Variants in CA10 observed in about 807,000 individuals in gnomAD.
CA10 encodes the protein carbonic anhydrase-related protein 10.
In CA10, 14 loss-of-function variants were observed where a neutral mutation model predicts 44.2. The observed-to-expected ratio is 0.32, with a 90% CI of 0.21 to 0.50. The LOEUF (loss-of-function observed/expected upper bound fraction) is 0.50, where lower values mean the gene tolerates loss of function less well. Ranked by LOEUF, CA10 falls within the 20% of genes least tolerant of loss-of-function variation. The pLI, the probability that CA10 is intolerant of heterozygous loss-of-function variation, is 0.99. For synonymous variants in CA10, 159 were observed against 141.6 expected, an observed-to-expected ratio of 1.12 and a Z score of -0.87; for missense variants, 350 against 409.7, an observed-to-expected ratio of 0.85 and a Z score of 1.26.
intron 3 of CA10, among the ~76,000 whole-genome samples, chr17:51,863,603 G>C (rs1979412530): frequency 6.6e-6 from 1 of 152,128 alleles, no homozygotes; most frequent in Admixed American, 6.6e-5. Context: ...CACAAGTTTG[G>C]AGGTCTCTTG....
At chr17:51,708,816 G>A (rs933003290) in intron 4 of CA10, among the ~76,000 whole-genome samples, 11 of 152,200 alleles carry the variant, frequency 7.2e-5, no homozygotes, top group African/African-American at 1.7e-4. Flanking sequence ...GCCCTTGAAC[G>A]GCAGACTCCA....
intron 3 of CA10, among the ~76,000 whole-genome samples, chr17:51,892,312 A>G (rs1269005105): frequency 2.6e-5 from 4 of 152,178 alleles, no homozygotes; most frequent in Non-Finnish European, 4.4e-5. Context: ...TCTTATATAG[A>G]GCCATCTGCA....
At chr17:51,864,250 C>A (rs993874686) in intron 3 of CA10, among the ~76,000 whole-genome samples, 1 of 151,860 alleles carries the variant, frequency 6.6e-6, no homozygotes, top group Non-Finnish European at 1.5e-5. Context: ...AAAAGGAAAG[C>A]CAATTTTTTT....
At position 51,684,489 on chromosome 17, in the gene CA10, C is replaced by G. The variant is rs574854023; in HGVS notation, c.466-30753G>C. ...TCTAGCATAGCAGGGCACCTAGCAT[C>G]TGATTAAGTACTAAGTGCCAGCCTC... On this transcript the variant is annotated intron_variant, in intron 4 of 8. Coordinates refer to ENST00000451037, the MANE Select transcript of CA10 (RefSeq NM_020178.5). Among the ~76,000 whole-genome samples, 12 of 152,284 alleles carry G rather than the reference C, an allele frequency of 7.9e-5. No homozygotes were observed. The South Asian group carries it at 2.5e-3, about 32-fold the overall frequency.
chr17:51,803,408 A>C (rs1229790899), intron 3 of CA10, among the ~76,000 whole-genome samples: 1 of 152,088 alleles, frequency 6.6e-6, no homozygotes, highest in Non-Finnish European at 1.5e-5. Context: ...CCTCAGCTGG[A>C]GACTACACTT....
At chr17:52,009,455 C>A (rs1162274155) in intron 2 of CA10, among the ~76,000 whole-genome samples, 1 of 151,948 alleles carries the variant, frequency 6.6e-6, no homozygotes, top group Non-Finnish European at 1.5e-5. Context: ...AAGAAGATTG[C>A]TGAACTATGG....
intron 1 of CA10, among the ~76,000 whole-genome samples, chr17:52,113,834 G>A (rs376856905): frequency 2.2e-4 from 33 of 152,330 alleles, no homozygotes; most frequent in East Asian, 2.1e-3. Context: ...GGCTAACAAT[G>A]TGTGTTAATC....
chr17:52,008,910 T>C (rs1001825222), intron 2 of CA10, among the ~76,000 whole-genome samples: 6 of 152,106 alleles, frequency 3.9e-5, no homozygotes, highest in South Asian at 2.1e-4. Context: ...GTTCCTCACC[T>C]AAATACTAGA....
intron 1 of CA10, among the ~76,000 whole-genome samples, chr17:52,123,845 T>C (rs1278077650): frequency 6.6e-6 from 1 of 152,138 alleles, no homozygotes; most frequent in African/African-American, 2.4e-5. Context: ...GAATAAACTT[T>C]AAAAGGCATC....
intron 4 of CA10, among the ~76,000 whole-genome samples, chr17:51,663,170 A>C (rs1914070236): frequency 6.6e-6 from 1 of 151,970 alleles, no homozygotes; most frequent in South Asian, 2.1e-4. Context: ...GATAAAACAC[A>C]TAAAGAATCA....
At chr17:52,146,976 T>C (rs1179835036) in intron 1 of CA10, among the ~76,000 whole-genome samples, 1 of 152,138 alleles carries the variant, frequency 6.6e-6, no homozygotes, top group East Asian at 1.9e-4. Flanking sequence ...CACACATACA[T>C]TGACATCTAT....
At chr17:52,074,548 T>C (rs944379474) in intron 1 of CA10, among the ~76,000 whole-genome samples, 3 of 152,190 alleles carry the variant, frequency 2.0e-5, no homozygotes, top group Admixed American at 6.5e-5. Flanking sequence ...GAGACAGTCA[T>C]TGGGGAAGCT....
At chr17:51,841,904 G>C (rs1003825298) in intron 3 of CA10, among the ~76,000 whole-genome samples, 1 of 152,106 alleles carries the variant, frequency 6.6e-6, no homozygotes, top group South Asian at 2.1e-4. Flanking sequence ...TCATATCCAG[G>C]CATGCCAATG....
At position 52,158,026 on chromosome 17, in the gene CA10, G is replaced by T. The variant is rs773856353; in HGVS notation, c.-240C>A. On this transcript the variant is annotated 5_prime_UTR_variant, in exon 1 of 9. An upstream open reading frame in the 5' UTR gains an earlier in-frame stop. Coordinates refer to ENST00000451037, the MANE Select transcript of CA10 (RefSeq NM_020178.5). ...GCCCCAGATGTGCTGACACATGTCCGATGCCTCGCTGCCTTGGAGGTCTCC... is the reference window on the plus strand; with the variant it reads ...GCCCCAGATGTGCTGACACATGTCCTATGCCTCGCTGCCTTGGAGGTCTCC... 5.8e-5 allele frequency: 33 copies of T among 572,442 alleles called. No individual in the cohort carries two copies. The highest frequency in any genetic ancestry group is 9.7e-5 in the Non-Finnish European group (31 of 318,682). The allele number at this position is 572,442 out of a possible 1,614,324, so 35.5% of individuals were successfully genotyped here. A position where few individuals can be genotyped will look rare whatever the true frequency, so the allele number is the denominator to read the frequency against.
intron 3 of CA10, among the ~76,000 whole-genome samples, chr17:51,844,612 T>C (rs933771694): frequency 6.6e-6 from 1 of 152,200 alleles, no homozygotes; most frequent in Non-Finnish European, 1.5e-5. Flanking sequence ...TCTTATCTCT[T>C]TTCACTGAGC....
intron 2 of CA10, among the ~76,000 whole-genome samples, chr17:51,996,231 A>T (rs1985229804): frequency 6.6e-6 from 1 of 151,884 alleles, no homozygotes; most frequent in Non-Finnish European, 1.5e-5. Context: ...CACATTCCCT[A>T]TTCATGGTGT....
intron 3 of CA10, among the ~76,000 whole-genome samples, chr17:51,900,654 G>A (rs962054043): frequency 1.3e-5 from 2 of 152,034 alleles, no homozygotes; most frequent in African/African-American, 2.4e-5. Context: ...TCTCTTTCAG[G>A]GATGCCAGTA....
At chr17:51,989,254 C>T (rs1666479610) in intron 2 of CA10, among the ~76,000 whole-genome samples, 1 of 150,542 alleles carries the variant, frequency 6.6e-6, no homozygotes, top group African/African-American at 2.4e-5. Context: ...CAGATTATTT[C>T]ATCACCCAGG....
In CA10 at chr17:52,019,553, T is replaced by G. The variant is rs146244257; in HGVS notation, c.136+52766A>C. Among the ~76,000 whole-genome samples the G allele has an allele frequency of 9.1e-4, 138 of 152,206 alleles. 2 individuals are homozygous for G. Among genetic ancestry groups the G allele is most frequent in the African/African-American group, 3.1e-3 (130 of 41,556 alleles). On this transcript the variant is annotated intron_variant, in intron 2 of 8. Coordinates refer to ENST00000451037, the MANE Select transcript of CA10 (RefSeq NM_020178.5). ...ACATGAAACAATCCAAGCATACACT[T>G]TATAATTTTTTTTACTATGTTTAAA...
Sources: allele counts gnomAD v4.1 joint callset (sites outside exome capture counted in the v4.1 genomes callset), GRCh38; gene constraint gnomAD v4.1.1; transcripts MANE v1.5; gene names NCBI Gene and HGNC (gene_info 2026-07-23, HGNC 2026-07-21).